The following TECRL variants were observed in gnomAD, a reference collection of about 807,000 sequenced individuals.
TECRL encodes trans-2,3-enoyl-CoA reductase-like.
Under a neutral mutation model 52.8 loss-of-function variants are expected in TECRL, and 63 were observed. The ratio of observed to expected loss-of-function variants is 1.19; its 90% CI spans 0.97 to 1.47. The LOEUF (loss-of-function observed/expected upper bound fraction) is 1.47. TECRL is among the 40% of genes most tolerant of loss of function. The probability of loss-of-function intolerance (pLI) is 0.00; values close to 1 mark genes in which losing one functional copy is unlikely to be tolerated. For synonymous variants in TECRL, 164 were observed against 141.9 expected (o/e 1.16, Z -1.10); for missense variants, 482 against 429.6 (o/e 1.12, Z -1.08).
At position 64,314,672 on chromosome 4, in the gene TECRL, C is replaced by A; in HGVS notation, c.527G>T (p.Arg176Ile). 1 of 1,610,580 alleles carries A rather than the reference C, an allele frequency of 6.2e-7. No homozygotes were observed. The highest frequency in any genetic ancestry group is 8.5e-7 in the Non-Finnish European group (1 of 1,177,718). The change falls in exon 5 of 12, where the codon AGA becomes ATA. Residue 176 changes from arginine (R) to isoleucine (I), a missense_variant. Physicochemically the swap from Arg to Ile is moderately conservative, Grantham distance 97 (BLOSUM62 -3). Transcript: ENST00000381210. ...PCIYDGKESA[R>I]RLRHPVVHLA... ...CTGTACCACTGGGTGGCGTAATCTT[C>A]TAGCACTCTCTTTTCCATCATATAT...
At chr4:64,367,261 G>A (rs933667349) in intron 2 of TECRL, among the ~76,000 whole-genome samples, 1 of 151,374 alleles carries the variant, frequency 6.6e-6, no homozygotes, top group African/African-American at 2.4e-5. Context: ...GGAGGGTGAG[G>A]GTCAGAAAAC....
intron 3 of TECRL, among the ~76,000 whole-genome samples, chr4:64,324,216 AT>A (rs1177745782): frequency 2.6e-5 from 4 of 152,288 alleles, no homozygotes; most frequent in Non-Finnish European, 4.4e-5. Context: ...ATGTAAAAAA[AT>A]ATCTTTTTAA....
At chr4:64,339,703 T>C (rs949512421) in intron 2 of TECRL, among the ~76,000 whole-genome samples, 2 of 152,196 alleles carry the variant, frequency 1.3e-5, no homozygotes, top group African/African-American at 2.4e-5. Flanking sequence ...GCTCTGCAAC[T>C]CTTTCCCCGC....
At chr4:64,363,007 G>T (rs1721301743) in intron 2 of TECRL, among the ~76,000 whole-genome samples, 1 of 138,652 alleles carries the variant, frequency 7.2e-6, no homozygotes, top group African/African-American at 2.9e-5. Flanking sequence ...AGATATATCA[G>T]GCACATAAAA....
chr4:64,409,164 T>C lies in TECRL; in HGVS notation c.188A>G (p.Glu63Gly). 1.2e-6 allele frequency: 2 copies of C among 1,613,384 alleles called. No individual in the cohort carries two copies. The highest frequency in any genetic ancestry group is 4.5e-5 in the East Asian group (2 of 44,832). The change falls in exon 1 of 12, where the codon GAA (glutamate) becomes GGA (glycine). Residue 63 changes from glutamate to glycine, a missense_variant. Glu to Gly is a moderately conservative substitution (Grantham distance 98). Transcript: ENST00000381210. ...KHSKTTHFEI[E>G]IFDAQTRKQI... Reference sequence around the variant, plus strand: ...TTTCCTTGTTTGAGCATCAAATATTTCAATCTCAAAGTGAGTCGTTTTTGA... The same window carrying C: ...TTTCCTTGTTTGAGCATCAAATATTCCAATCTCAAAGTGAGTCGTTTTTGA...
intron 2 of TECRL, among the ~76,000 whole-genome samples, chr4:64,370,351 T>C (rs557208087): frequency 2.6e-4 from 39 of 151,960 alleles, no homozygotes; most frequent in African/African-American, 8.9e-4. Context: ...AGGCGAAGAA[T>C]GCCAGTGAAA....
intron 7 of TECRL, among the ~76,000 whole-genome samples, chr4:64,303,157 T>C (rs1724119592): frequency 6.6e-6 from 1 of 151,510 alleles, no homozygotes; most frequent in Non-Finnish European, 1.5e-5. Context: ...TGGGAAAATA[T>C]TCTATTAAAG....
chr4:64,311,849 T>G (rs542620161), intron 5 of TECRL, among the ~76,000 whole-genome samples: 11 of 152,314 alleles, frequency 7.2e-5, no homozygotes, highest in South Asian at 6.2e-4. Context: ...AACCAAAGTA[T>G]TGATAAAATC....
At position 64,289,706 on chromosome 4, in the gene TECRL, TA is replaced by T. The variant is rs1226117795; in HGVS notation, c.832+3del. 3.3e-6 allele frequency: 5 copies of T among 1,527,460 alleles called. No homozygotes were observed. The African/African-American group carries it at 4.3e-5, about 13-fold the overall frequency. 94.6% of individuals were successfully genotyped at this position (1,527,460 alleles called of 1,614,324 possible). On this transcript the variant is annotated splice_donor_region_variant and intron_variant, in intron 9 of 11. Coordinates refer to ENST00000381210, the MANE Select transcript of TECRL (RefSeq NM_001010874.5). ...AAAGAAAAGAAAAAGAAAAAAGAACTAACCTGTGTGATTGGGATGAGACAAC... is the reference window on the plus strand; with the variant it reads ...AAAGAAAAGAAAAAGAAAAAAGAACTACCTGTGTGATTGGGATGAGACAAC...
At chr4:64,318,071 T>C (rs540600877) in intron 4 of TECRL, among the ~76,000 whole-genome samples, 1 of 152,304 alleles carries the variant, frequency 6.6e-6, no homozygotes, top group Non-Finnish European at 1.5e-5. Context: ...AGTTCATTCA[T>C]TTAGAAGATG....
chr4:64,356,298 A>G (rs559053600), intron 2 of TECRL, among the ~76,000 whole-genome samples: 1 of 152,216 alleles, frequency 6.6e-6, no homozygotes, highest in South Asian at 2.1e-4. Context: ...ACACCCATGA[A>G]GAGTCTCTGC....
At chr4:64,340,871 G>A (rs282241) in intron 2 of TECRL, among the ~76,000 whole-genome samples, 7,338 of 152,238 alleles carry the variant, frequency 0.048, 236 homozygotes, top group African/African-American at 0.09. Context: ...TCCATCTGAA[G>A]CCCATAAAGG....
rs761043327 is a variant in TECRL at position 64,409,338 on chromosome 4, T to G, written c.14A>C (p.His5Pro). The G allele has an allele frequency of 6.2e-7, 1 of 1,613,336 alleles. No individual in the cohort carries two copies. The highest frequency in any genetic ancestry group is 8.5e-7 in the Non-Finnish European group (1 of 1,179,546). The change falls in exon 1 of 12, where the codon CAC becomes CCC. Residue 5 changes from histidine (H) to proline (P), a missense_variant. Transcript: ENST00000381210. The stretch of plus-strand genomic sequence containing the variant: ...CTTGCGTTCCGAAGCGAGGGACTTG[T>G]GCCTTTTGAACATTGTGTGAACTAA... MFKR[H>P]KSLASERKRA...
At chr4:64,342,599 T>G (rs1413821883) in intron 2 of TECRL, among the ~76,000 whole-genome samples, 1 of 152,136 alleles carries the variant, frequency 6.6e-6, no homozygotes, top group Admixed American at 6.5e-5. Flanking sequence ...AAATCTGAAA[T>G]TATACTCTGT....
intron 1 of TECRL, among the ~76,000 whole-genome samples, chr4:64,382,155 A>G (rs1283445424): frequency 1.4e-5 from 2 of 145,980 alleles, no homozygotes; most frequent in African/African-American, 5.1e-5. Context: ...TTCTGACCCA[A>G]TATTAGTAGG....
At chr4:64,404,001 T>C (rs1374027300) in intron 1 of TECRL, among the ~76,000 whole-genome samples, 2 of 152,038 alleles carry the variant, frequency 1.3e-5, no homozygotes, top group East Asian at 1.9e-4. Flanking sequence ...CTAAGTATCA[T>C]GTACAAGGTA....
chr4:64,356,571 C>T (rs1440486399), intron 2 of TECRL, among the ~76,000 whole-genome samples: 1 of 152,114 alleles, frequency 6.6e-6, no homozygotes, highest in Non-Finnish European at 1.5e-5. Flanking sequence ...GGCATAGTAC[C>T]TCCCCTTGAA....
intron 2 of TECRL, among the ~76,000 whole-genome samples, chr4:64,367,773 G>C (rs1277198136): frequency 6.6e-6 from 1 of 152,000 alleles, no homozygotes; most frequent in Non-Finnish European, 1.5e-5. Flanking sequence ...ATAAAGAGTA[G>C]AAATTTTTAA....
chr4:64,363,784 G>T (rs1721392325), intron 2 of TECRL, among the ~76,000 whole-genome samples: 1 of 152,078 alleles, frequency 6.6e-6, no homozygotes. Context: ...CTTTATTATG[G>T]CTAGCAGATA....
Sources: allele counts gnomAD v4.1 joint callset (sites outside exome capture counted in the v4.1 genomes callset), GRCh38; gene constraint gnomAD v4.1.1; transcripts MANE v1.5; gene names NCBI Gene and HGNC (gene_info 2026-07-23, HGNC 2026-07-21).